FAM107A: variants seen among roughly 807,000 people sequenced by gnomAD.
FAM107A encodes actin-associated protein FAM107A.
Under a neutral mutation model 13.7 loss-of-function variants are expected in FAM107A, and 19 were observed. The observed-to-expected ratio is 1.38, with a 90% CI of 0.97 to 2.03. The LOEUF is 2.03. Ranked by LOEUF, FAM107A falls within the 30% of genes most tolerant of loss-of-function variation. The pLI, the probability that FAM107A is intolerant of heterozygous loss-of-function variation, is 0.00. For missense variants in FAM107A, 203 were observed against 184.4 expected, an observed-to-expected ratio of 1.10 and a Z score of -0.58; for synonymous variants, 82 against 74.5, an observed-to-expected ratio of 1.10 and a Z score of -0.52.
rs1033485753 is a variant in FAM107A at position 58,577,151 on chromosome 3, T to G, written c.-6+158A>C. 1.3e-5 allele frequency among the ~76,000 whole-genome samples: 2 copies of G among 152,196 alleles called. No homozygotes were observed. The highest frequency in any genetic ancestry group is 4.8e-5 in the African/African-American group (2 of 41,456). On this transcript the variant is annotated intron_variant, in intron 1 of 3. Transcript: ENST00000360997. The surrounding 1 kb of genome is among the most constrained non-coding windows in gnomAD (Gnocchi z 4.9). ...GCCTGGAGGCATCTCCCGTATCATT[T>G]TATGGATGCTGGGACATAGCCCGGG...
At chr3:58,572,945 C>A (rs1332893822) in intron 1 of FAM107A, among the ~76,000 whole-genome samples, 1 of 152,166 alleles carries the variant, frequency 6.6e-6, no homozygotes, top group Admixed American at 6.5e-5. Flanking sequence ...AGTGGCACTC[C>A]TTTTTTATTT....
Position 58,593,048 on chromosome 3 carries a change from G to A in FAM107A, c.-69-3779C>T, listed in dbSNP as rs145610721. Among the ~76,000 whole-genome samples the A allele has an allele frequency of 2.0e-4, 31 of 152,112 alleles. No homozygotes were observed. In the East Asian group the frequency reaches 2.3e-3, roughly 11 times the overall value. On this transcript the variant is annotated intron_variant, in intron 1 of 3. Transcript: ENST00000465970. ...TCAAACTCTACAACCTCGGTGGACC[G>A]GACCCCACTCAGTCATCTATAGTAC...
chr3:58,590,998 G>A (rs1012645880), upstream of FAM107A, among the ~76,000 whole-genome samples: 2 of 152,208 alleles, frequency 1.3e-5, no homozygotes, highest in East Asian at 3.8e-4. Context: ...GGCCTCTGCA[G>A]CCTGGCTTCT....
intron 1 of FAM107A, among the ~76,000 whole-genome samples, chr3:58,616,055 G>C (rs1343249558): frequency 2.0e-5 from 3 of 152,110 alleles, no homozygotes; most frequent in Non-Finnish European, 4.4e-5. Context: ...GATACCTGTG[G>C]AGCCCAGTGT....
intron 1 of FAM107A, among the ~76,000 whole-genome samples, chr3:58,624,601 G>T (rs1011217539): frequency 6.6e-6 from 1 of 152,222 alleles, no homozygotes; most frequent in African/African-American, 2.4e-5. Flanking sequence ...GGCTCCAAGG[G>T]TGGGCTCTGG....
chr3:58,579,112 C>T (rs147391639), upstream of FAM107A, among the ~76,000 whole-genome samples: 54 of 152,104 alleles, frequency 3.6e-4, no homozygotes, highest in African/African-American at 1.2e-3. Context: ...GAGGTGAGAG[C>T]GGGTGGTGTT....
intron 2 of FAM107A, 144 bp from the exon 3 acceptor site, chr3:58,567,508 C>T (rs2063634989): frequency 3.3e-6 from 3 of 912,216 alleles, no homozygotes; most frequent in African/African-American, 1.7e-5. Flanking sequence ...CCATTACTGT[C>T]CCATTTTACA....
upstream of FAM107A, among the ~76,000 whole-genome samples, chr3:58,578,056 T>C (rs1272331118): frequency 6.6e-6 from 1 of 152,158 alleles, no homozygotes; most frequent in East Asian, 1.9e-4. Flanking sequence ...TCTTGGTTTC[T>C]GTGTTTGTCA....
chr3:58,625,489 C>T (rs2066005057), intron 1 of FAM107A, among the ~76,000 whole-genome samples: 1 of 152,224 alleles, frequency 6.6e-6, no homozygotes, highest in Non-Finnish European at 1.5e-5. Context: ...CCTTTGACAT[C>T]AGAGGGCTGA....
intron 1 of FAM107A, chr3:58,607,588 G>A (rs544414056): frequency 2.6e-5 from 2 of 76,062 alleles, no homozygotes; most frequent in Admixed American, 1.7e-4. Context: ...GTGTGTATAC[G>A]TGTGCATGTA....
upstream of FAM107A, among the ~76,000 whole-genome samples, chr3:58,587,904 G>T (rs2065623855): frequency 6.6e-6 from 1 of 152,154 alleles, no homozygotes. Flanking sequence ...ATGAAGCAGG[G>T]TCTATTAACA....
intron 1 of FAM107A, among the ~76,000 whole-genome samples, chr3:58,626,508 T>C (rs889595000): frequency 9.9e-5 from 15 of 152,202 alleles, no homozygotes; most frequent in Admixed American, 5.9e-4. Context: ...AAGGTAGTGA[T>C]TATTATTGGC....
intron 1 of FAM107A, chr3:58,626,903 T>A: frequency 1.4e-6 from 2 of 1,478,320 alleles, no homozygotes; most frequent in Non-Finnish European, 1.8e-6. Flanking sequence ...GGGTCGGGGC[T>A]CCCACTTGCT....
At chr3:58,598,506 C>G (rs1387528676) in intron 1 of FAM107A, among the ~76,000 whole-genome samples, 3 of 152,228 alleles carry the variant, frequency 2.0e-5, no homozygotes, top group Non-Finnish European at 4.4e-5. Flanking sequence ...ACCCACCCCC[C>G]AGCAGGCAGC....
upstream of FAM107A, among the ~76,000 whole-genome samples, chr3:58,587,419 A>G (rs1451669452): frequency 6.6e-6 from 1 of 151,750 alleles, no homozygotes; most frequent in Non-Finnish European, 1.5e-5. Context: ...CTCATCTGTA[A>G]AATCGGAATA....
chr3:58,576,126 C>T (rs1004414526), intron 1 of FAM107A, among the ~76,000 whole-genome samples: 1 of 152,242 alleles, frequency 6.6e-6, no homozygotes, highest in African/African-American at 2.4e-5. Context: ...TGGCCAGCAG[C>T]CAAAGAACAG....
At chr3:58,566,800 A>G in intron 3 of FAM107A, 105 bp from the exon 4 acceptor site, 1 of 845,320 alleles carries the variant, frequency 1.2e-6, no homozygotes, top group Non-Finnish European at 1.9e-6. Context: ...GGGAAACAGA[A>G]CCAACCTGGG....
At chr3:58,576,802 A>AG (rs1307316486) in intron 1 of FAM107A, among the ~76,000 whole-genome samples, 1 of 152,232 alleles carries the variant, frequency 6.6e-6, no homozygotes, top group Non-Finnish European at 1.5e-5. Context: ...TTCTTACGAC[A>AG]GACTGAAGAG....
At chr3:58,594,250 A>G (rs1450481738) in intron 1 of FAM107A, among the ~76,000 whole-genome samples, 1 of 152,040 alleles carries the variant, frequency 6.6e-6, no homozygotes, top group African/African-American at 2.4e-5. Flanking sequence ...CCTGCATTTC[A>G]TTCCATCCTT....
Sources: allele counts gnomAD v4.1 joint callset (sites outside exome capture counted in the v4.1 genomes callset), GRCh38; gene constraint gnomAD v4.1.1; non-coding constraint Gnocchi (gnomAD v3.1); transcripts MANE v1.5; gene names NCBI Gene and HGNC (gene_info 2026-07-23, HGNC 2026-07-21).